Variants in RASSF2 observed in about 807,000 individuals in gnomAD.
RASSF2 encodes Ras association domain family member 2, also known as ras association domain-containing protein 2.
Under a neutral mutation model 46.3 loss-of-function variants are expected in RASSF2, and 34 were observed. That is an observed-to-expected ratio of 0.73 (90% CI 0.56 to 0.98). RASSF2 has a LOEUF of 0.98. Ranked by LOEUF, RASSF2 falls within the 50% of genes least tolerant of loss-of-function variation. The pLI, the probability that RASSF2 is intolerant of heterozygous loss-of-function variation, is 0.00. For missense variants in RASSF2, 364 were observed against 431.2 expected, an observed-to-expected ratio of 0.84 and a Z score of 1.38; for synonymous variants, 158 against 162.5, an observed-to-expected ratio of 0.97 and a Z score of 0.21.
chr20:4,808,574 C>A (rs187872899), intron 2 of RASSF2, among the ~76,000 whole-genome samples: 1 of 149,852 alleles, frequency 6.7e-6, no homozygotes, highest in African/African-American at 2.5e-5. Flanking sequence ...GCAGCCTTGA[C>A]CTCTTGGGCT....
intron 11 of RASSF2, among the ~76,000 whole-genome samples, chr20:4,785,851 G>A (rs1340753225): frequency 1.3e-5 from 2 of 152,134 alleles, no homozygotes; most frequent in South Asian, 2.1e-4. Flanking sequence ...GACCCTCATC[G>A]GAGTGAGCAT....
rs1925067064 is a variant in RASSF2 at position 4,784,077 on chromosome 20, A to G, written c.*196T>C. ...AATCAAAAGTCCTTGTGAGCAGAAA[A>G]AAGGAGGGCAGGGGTCCAGGGATAG... On this transcript the variant is annotated 3_prime_UTR_variant, in exon 12 of 12. Transcript: ENST00000379400. 1.6e-6 allele frequency: 1 copy of G among 609,664 alleles called. No homozygotes were observed. The highest frequency in any genetic ancestry group is 2.9e-6 in the Non-Finnish European group (1 of 340,776). 37.8% of individuals were successfully genotyped at this position (609,664 alleles called of 1,614,324 possible).
At chr20:4,818,965 T>C (rs895992507) in intron 2 of RASSF2, among the ~76,000 whole-genome samples, 2 of 152,212 alleles carry the variant, frequency 1.3e-5, no homozygotes, top group African/African-American at 2.4e-5. Context: ...CTTTTCTTTT[T>C]TCTTTCTTTT....
intron 5 of RASSF2, among the ~76,000 whole-genome samples, chr20:4,793,838 A>C (rs946240830): frequency 1.3e-5 from 2 of 152,132 alleles, no homozygotes; most frequent in Non-Finnish European, 2.9e-5. Flanking sequence ...TGACATCTAA[A>C]TGACACCATT....
chr20:4,820,091 GC>G (rs1928592604), intron 2 of RASSF2, among the ~76,000 whole-genome samples: 1 of 152,152 alleles, frequency 6.6e-6, no homozygotes, highest in African/African-American at 2.4e-5. Flanking sequence ...GGTGCCTCCT[GC>G]CCCATTCACC....
At chr20:4,800,606 G>A (rs1926777860) in intron 3 of RASSF2, among the ~76,000 whole-genome samples, 1 of 152,146 alleles carries the variant, frequency 6.6e-6, no homozygotes, top group African/African-American at 2.4e-5. Context: ...GCACCTTGGG[G>A]TGAAGTTTCC....
chr20:4,812,848 C>T lies in RASSF2; in HGVS notation c.-33+9481G>A, dbSNP rs115878720. Among the ~76,000 whole-genome samples the T allele has an allele frequency of 4.9e-3, 742 of 152,284 alleles. 11 individuals carry two copies. The highest frequency in any genetic ancestry group is 0.016 in the African/African-American group (681 of 41,562). On this transcript the variant is annotated intron_variant, in intron 2 of 11. Coordinates refer to ENST00000379400, the MANE Select transcript of RASSF2 (RefSeq NM_014737.3). This position sits in a 1 kb window ranked among gnomAD's most constrained non-coding sequence, Gnocchi z 4.0. The stretch of plus-strand genomic sequence containing the variant: ...GTGCTCCTGTGGCTCTCTGGCTGAG[C>T]GCTGGATCTGAGAGGGCCACTATGC...
Position 4,786,268 on chromosome 20 carries a change from C to T in RASSF2, c.874G>A (p.Glu292Lys). Residue 292 changes from glutamate to lysine, a missense_variant, in exon 11 of 12, where the codon GAG becomes AAG. Glu to Lys is a moderately conservative substitution (Grantham distance 56). Transcript: ENST00000379400. ...VLKSFIQKLQ[E>K]EEDREVKKLM... ...TTCTTTACTTCCCGATCTTCTTCCT[C>T]CTGGAGCTTCTGAATGAAGCTTTTA... is the stretch of plus-strand genomic sequence containing the variant. The T allele has an allele frequency of 6.2e-7, 1 of 1,613,668 alleles. No homozygotes were observed. The highest frequency in any genetic ancestry group is 8.5e-7 in the Non-Finnish European group (1 of 1,179,566).
intron 3 of RASSF2, among the ~76,000 whole-genome samples, chr20:4,800,753 T>C (rs914522648): frequency 6.6e-6 from 1 of 152,090 alleles, no homozygotes; most frequent in Non-Finnish European, 1.5e-5. Context: ...CCCCTTTACT[T>C]CACCTCCAGG....
intron 5 of RASSF2, 26 bp from the exon 6 acceptor site, chr20:4,792,653 G>C (rs764470638): frequency 3.7e-6 from 6 of 1,611,778 alleles, no homozygotes; most frequent in Admixed American, 1.7e-5. Flanking sequence ...ACAAAGGGGA[G>C]GGGGGAGACT....
rs190891166 is a variant in RASSF2 at position 4,802,688 on chromosome 20, G to C, written c.-32-1626C>G. Among the ~76,000 whole-genome samples the C allele has an allele frequency of 4.6e-5, 7 of 152,048 alleles. No homozygotes were observed. In the East Asian group the frequency reaches 1.4e-3, roughly 29 times the overall value. On this transcript the variant is annotated intron_variant, in intron 2 of 11. Coordinates refer to ENST00000379400, the MANE Select transcript of RASSF2 (RefSeq NM_014737.3). ...AACGGTGGTTGCCAGAGGCTGGGAA[G>C]AAGGGGAAATGGAGAGTTTCTTAAT...
At chr20:4,787,537 G>A (rs2422986) in intron 10 of RASSF2, 96 bp downstream of exon 10, 388,539 of 1,501,208 alleles carry the variant, frequency 0.26, 51,764 homozygotes, top group African/African-American at 0.37. Flanking sequence ...GGGCATGGTC[G>A]TTGGTCAAAA....
At position 4,790,618 on chromosome 20, in the gene RASSF2, G is replaced by C; in HGVS notation, c.377-7C>G. Reference sequence around the variant, plus strand: ...GGCTTCAGGCCCCTGGAGTCTGAGAGAGGAGAGGGAAATGAACTCTGTCTG... The same window carrying C: ...GGCTTCAGGCCCCTGGAGTCTGAGACAGGAGAGGGAAATGAACTCTGTCTG... On this transcript the variant is annotated splice_region_variant and splice_polypyrimidine_tract_variant and intron_variant, in intron 6 of 11. Transcript: ENST00000379400. This position sits in a 1 kb window ranked among gnomAD's most constrained non-coding sequence, Gnocchi z 4.3. The C allele has an allele frequency of 2.6e-6, 4 of 1,515,664 alleles. No homozygotes were observed. Among genetic ancestry groups the C allele is most frequent in the Non-Finnish European group, 3.5e-6 (4 of 1,143,902 alleles). The allele number at this position is 1,515,664 out of a possible 1,614,324, so 93.9% of individuals were successfully genotyped here.
chr20:4,793,748 G>A (rs1926104129), intron 5 of RASSF2, among the ~76,000 whole-genome samples: 1 of 152,088 alleles, frequency 6.6e-6, no homozygotes. Flanking sequence ...CCGAAGTGCT[G>A]GGATTATAGG....
At chr20:4,794,780 C>T (rs1370913086) in intron 5 of RASSF2, among the ~76,000 whole-genome samples, 1 of 152,170 alleles carries the variant, frequency 6.6e-6, no homozygotes, top group East Asian at 1.9e-4. Context: ...TTAGATGAAA[C>T]CAAAGAACCT....
intron 2 of RASSF2, among the ~76,000 whole-genome samples, chr20:4,816,743 C>T (rs1025392843): frequency 1.6e-4 from 25 of 152,286 alleles, no homozygotes; most frequent in African/African-American, 5.8e-4. Flanking sequence ...TACCATACAT[C>T]CTTCCAGATG....
rs139870869 is a variant in RASSF2, at chr20:4,811,478, A to T, written c.-32-10416T>A. Among the ~76,000 whole-genome samples, 1,092 of 152,294 alleles carry T rather than the reference A, an allele frequency of 7.2e-3. 8 individuals carry two copies. Among genetic ancestry groups the T allele is most frequent in the South Asian group, 7.5e-3 (36 of 4,818 alleles). On this transcript the variant is annotated intron_variant, in intron 2 of 11. Coordinates refer to ENST00000379400, the MANE Select transcript of RASSF2 (RefSeq NM_014737.3). ...CCCCAGGTCATGCCAGTGTACATCCAGGGCTGAGCGCCACTGTGGAACCTG... is the reference window on the plus strand; with the variant it reads ...CCCCAGGTCATGCCAGTGTACATCCTGGGCTGAGCGCCACTGTGGAACCTG...
intron 5 of RASSF2, chr20:4,792,994 T>A: frequency 9.2e-6 from 2 of 218,116 alleles, no homozygotes; most frequent in Non-Finnish European, 1.9e-5. Context: ...TATGGCTTAC[T>A]TGGAAAACTC....
Position 4,783,110 on chromosome 20 carries a change from C to T in RASSF2, c.*1163G>A, listed in dbSNP as rs560865516. The T allele has an allele frequency of 2.6e-5, 4 of 152,414 alleles. No individual in the cohort carries two copies. In the East Asian group the frequency reaches 7.7e-4, roughly 29 times the overall value. The allele number at this position is 152,414 out of a possible 1,614,324, so 9.4% of individuals were successfully genotyped here. On this transcript the variant is annotated 3_prime_UTR_variant, in exon 12 of 12. Coordinates refer to ENST00000379400, the MANE Select transcript of RASSF2 (RefSeq NM_014737.3). ...CTAAAGAGCTTCCCTGAACCCCACACTCAGTAGCAAGATGAGGCTTCATTC... is the reference window on the plus strand; with the variant it reads ...CTAAAGAGCTTCCCTGAACCCCACATTCAGTAGCAAGATGAGGCTTCATTC...
Sources: gnomAD v4.1 joint callset for allele counts (sites outside exome capture counted in the v4.1 genomes callset) on GRCh38, gnomAD v4.1.1 for gene constraint, Gnocchi (gnomAD v3.1) non-coding constraint, MANE v1.5 for transcripts, NCBI Gene and HGNC (gene_info 2026-07-23, HGNC 2026-07-21) for gene names.